The following YWHAG variants were observed in gnomAD, a reference collection of about 807,000 sequenced individuals.
YWHAG encodes the protein 14-3-3 protein gamma.
Under a neutral mutation model 23.3 loss-of-function variants are expected in YWHAG, and 1 was observed. The observed-to-expected ratio is 0.04, with a 90% CI of 0.02 to 0.20. The LOEUF (loss-of-function observed/expected upper bound fraction) is 0.20. Among genes scored for constraint, YWHAG ranks in the 10% least tolerant of loss-of-function variants. The pLI is 1.00. For synonymous variants in YWHAG, 160 were observed against 144.0 expected, an observed-to-expected ratio of 1.11 and a Z score of -0.80; for missense variants, 151 against 338.6, an observed-to-expected ratio of 0.45 and a Z score of 4.35.
intron 1 of YWHAG, among the ~76,000 whole-genome samples, chr7:76,347,466 G>C (rs73359656): frequency 0.027 from 4,130 of 152,132 alleles, 180 homozygotes; most frequent in African/African-American, 0.094. Context: ...GGGCATGGTG[G>C]CATGTGCTAC....
At chr7:76,342,808 G>A (rs1259637953) in intron 1 of YWHAG, among the ~76,000 whole-genome samples, 2 of 151,944 alleles carry the variant, frequency 1.3e-5, no homozygotes, top group Non-Finnish European at 2.9e-5. Flanking sequence ...GTGGCGGGGA[G>A]AGAGGACTTT....
intron 1 of YWHAG, among the ~76,000 whole-genome samples, chr7:76,336,755 CT>C (rs36057808): frequency 0.041 from 5,421 of 133,182 alleles, 144 homozygotes; most frequent in African/African-American, 0.086. Context: ...GGTGCCCGGT[CT>C]TTTTTTTTTT....
chr7:76,347,612 C>CA (rs1803800785), intron 1 of YWHAG, among the ~76,000 whole-genome samples: 1 of 150,914 alleles, frequency 6.6e-6, no homozygotes, highest in East Asian at 1.9e-4. Context: ...AAAAAAAACA[C>CA]TCAAATGTCT....
At chr7:76,338,439 G>A (rs767503677) in intron 1 of YWHAG, among the ~76,000 whole-genome samples, 7 of 152,108 alleles carry the variant, frequency 4.6e-5, no homozygotes, top group Non-Finnish European at 7.4e-5. Flanking sequence ...CACTCCACAA[G>A]GTGGGTATTA....
rs1804005077 is a variant in YWHAG at position 76,358,815 on chromosome 7, G to A, written c.-7C>T. The A allele has an allele frequency of 1.3e-6, 2 of 1,591,270 alleles. No homozygotes were observed. Among genetic ancestry groups the A allele is most frequent in the Non-Finnish European group, 1.7e-6 (2 of 1,170,306 alleles). ...GTTGCTCGCGGTCCACCATCTTCGC[G>A]GGGCTGGGTCTGGCCGGAGAAGGAG... is the stretch of plus-strand genomic sequence containing the variant. On this transcript the variant is annotated 5_prime_UTR_variant, in exon 1 of 2. Transcript: ENST00000307630.
intron 1 of YWHAG, among the ~76,000 whole-genome samples, chr7:76,357,901 C>T (rs1441263564): frequency 6.6e-6 from 1 of 152,146 alleles, no homozygotes; most frequent in Non-Finnish European, 1.5e-5. Context: ...AAAGAAACGG[C>T]ATATGTCACA....
chr7:76,332,180 T>C (rs1803552563), intron 1 of YWHAG, among the ~76,000 whole-genome samples: 1 of 152,190 alleles, frequency 6.6e-6, no homozygotes, highest in Non-Finnish European at 1.5e-5. Context: ...TGGGTACTAC[T>C]TGAGTTCAGA....
At chr7:76,341,536 T>C (rs965434951) in intron 1 of YWHAG, among the ~76,000 whole-genome samples, 91 of 151,934 alleles carry the variant, frequency 6.0e-4, no homozygotes, top group African/African-American at 2.1e-3. Context: ...CGTAGTGTGA[T>C]CTATGTAATG....
intron 1 of YWHAG, among the ~76,000 whole-genome samples, chr7:76,342,834 A>G (rs1032663243): frequency 6.6e-6 from 1 of 152,056 alleles, no homozygotes; most frequent in African/African-American, 2.4e-5. Flanking sequence ...CAAAAAATTA[A>G]ACTGTTAAAA....
At position 76,329,491 on chromosome 7, in the gene YWHAG, C is replaced by G; in HGVS notation, c.*86G>C. The G allele has an allele frequency of 1.0e-6, 1 of 981,326 alleles. No individual in the cohort carries two copies. 60.8% of individuals were successfully genotyped at this position (981,326 alleles called of 1,614,324 possible). ...CCTGGGAAGGTCATCCCTCCCTTTCCCTCCCCCACCCGACCCCCAACTCAT... is the reference window on the plus strand; with the variant it reads ...CCTGGGAAGGTCATCCCTCCCTTTCGCTCCCCCACCCGACCCCCAACTCAT... On this transcript the variant is annotated 3_prime_UTR_variant, in exon 2 of 2. Transcript: ENST00000307630. This position sits in a 1 kb window ranked among gnomAD's most constrained non-coding sequence, Gnocchi z 6.1.
intron 1 of YWHAG, among the ~76,000 whole-genome samples, chr7:76,343,551 C>T (rs1263426490): frequency 6.6e-6 from 1 of 152,174 alleles, no homozygotes; most frequent in Non-Finnish European, 1.5e-5. Context: ...ACATGATGTA[C>T]CCATCTGAGA....
At chr7:76,347,215 C>T (rs1218772639) in intron 1 of YWHAG, among the ~76,000 whole-genome samples, 6 of 152,202 alleles carry the variant, frequency 3.9e-5, no homozygotes, top group Admixed American at 2.0e-4. Flanking sequence ...CCATCACAAC[C>T]GTATCTTTCC....
chr7:76,336,330 T>C (rs1445022411), intron 1 of YWHAG, among the ~76,000 whole-genome samples: 1 of 152,166 alleles, frequency 6.6e-6, no homozygotes, highest in Non-Finnish European at 1.5e-5. Flanking sequence ...AATTGCAGTT[T>C]AAGTGTACCC....
At chr7:76,357,069 G>A (rs570951125) in intron 1 of YWHAG, among the ~76,000 whole-genome samples, 73 of 152,312 alleles carry the variant, frequency 4.8e-4, no homozygotes, top group African/African-American at 1.7e-3. Context: ...AATTATAAGA[G>A]TCTAAATAAC....
At chr7:76,337,082 T>C (rs1395745290) in intron 1 of YWHAG, among the ~76,000 whole-genome samples, 4 of 152,144 alleles carry the variant, frequency 2.6e-5, no homozygotes, top group Non-Finnish European at 5.9e-5. Context: ...AAAATAACCT[T>C]ATGTATCTGA....
At chr7:76,348,553 G>A (rs1048001996) in intron 1 of YWHAG, among the ~76,000 whole-genome samples, 12 of 151,610 alleles carry the variant, frequency 7.9e-5, no homozygotes, top group African/African-American at 1.7e-4. Context: ...ACAGGTGACC[G>A]CCACCACGCC....
In YWHAG at chr7:76,338,798, T is replaced by C. The variant is rs931161958; in HGVS notation, c.88-8565A>G. Among the ~76,000 whole-genome samples the C allele has an allele frequency of 3.1e-4, 47 of 152,218 alleles. 1 individual carries two copies. The highest frequency in any genetic ancestry group is 5.9e-5 in the Non-Finnish European group (4 of 68,036). On this transcript the variant is annotated intron_variant, in intron 1 of 1. Coordinates refer to ENST00000307630, the MANE Select transcript of YWHAG (RefSeq NM_012479.4). ...TCTGATCACAATGCCAAGGCTTCAT[T>C]GTGAAGGTGACGGTGTGGGTAACAG...
chr7:76,338,133 C>T (rs1373473758), intron 1 of YWHAG, among the ~76,000 whole-genome samples: 1 of 152,124 alleles, frequency 6.6e-6, no homozygotes, highest in Non-Finnish European at 1.5e-5. Context: ...ACTCAAGGTA[C>T]TCAGTCTACA....
At chr7:76,335,158 A>G (rs1194426644) in intron 1 of YWHAG, among the ~76,000 whole-genome samples, 5 of 152,078 alleles carry the variant, frequency 3.3e-5, no homozygotes, top group Non-Finnish European at 7.4e-5. Context: ...CCTGGGTTCA[A>G]GCGATTCTCC....
Sources: allele counts gnomAD v4.1 joint callset (sites outside exome capture counted in the v4.1 genomes callset), GRCh38; gene constraint gnomAD v4.1.1; non-coding constraint Gnocchi (gnomAD v3.1); transcripts MANE v1.5; gene names NCBI Gene and HGNC (gene_info 2026-07-23, HGNC 2026-07-21).